The following AFF1 variants were observed in gnomAD, a reference collection of about 807,000 sequenced individuals.
AFF1 encodes the protein AF4/FMR2 family member 1.
A neutral mutation model predicts 121.7 loss-of-function variants in AFF1; 48 were observed. The observed-to-expected ratio is 0.39, with a 90% confidence interval of 0.31 to 0.50. The LOEUF is 0.50. AFF1 is among the 20% of genes least tolerant of loss of function. AFF1 has a pLI of 0.76. For synonymous variants in AFF1, 613 were observed against 563.0 expected, an observed-to-expected ratio of 1.09 and a Z score of -1.26; for missense variants, 1,523 against 1,511.7, an observed-to-expected ratio of 1.01 and a Z score of -0.12.
chr4:87,063,993 T>G (rs1721076901), intron 4 of AFF1, among the ~76,000 whole-genome samples: 1 of 152,236 alleles, frequency 6.6e-6, no homozygotes, highest in Admixed American at 6.5e-5. Flanking sequence ...GATTTAATTT[T>G]AGTCAAGTTT....
intron 4 of AFF1, among the ~76,000 whole-genome samples, chr4:87,068,266 C>CT (rs1403466647): frequency 3.4e-5 from 5 of 147,540 alleles, no homozygotes; most frequent in Admixed American, 2.0e-4. Context: ...TGCCCCCCCC[C>CT]CACTCCATGA....
chr4:86,949,687 G>C, intron 2 of AFF1: 1 of 1,570,374 alleles, frequency 6.4e-7, no homozygotes, highest in Non-Finnish European at 8.6e-7. Flanking sequence ...AGGGGATGAT[G>C]GGCATGCGCA....
chr4:87,112,648 T>C (rs562698035), intron 11 of AFF1, among the ~76,000 whole-genome samples: 31 of 152,364 alleles, frequency 2.0e-4, no homozygotes, highest in African/African-American at 7.2e-4. Flanking sequence ...AGTTGAATTA[T>C]TTGGGATGTT....
intron 2 of AFF1, among the ~76,000 whole-genome samples, chr4:87,028,032 G>C (rs115887961): frequency 6.6e-6 from 1 of 151,296 alleles, no homozygotes; most frequent in Non-Finnish European, 1.5e-5. Flanking sequence ...TTATTTTTCA[G>C]ATTTTAAGAT....
At chr4:87,003,323 G>T (rs1725864356) in intron 2 of AFF1, among the ~76,000 whole-genome samples, 2 of 152,088 alleles carry the variant, frequency 1.3e-5, no homozygotes, top group Non-Finnish European at 2.9e-5. Flanking sequence ...GAGTTCAGTG[G>T]TGTTCTCATA....
intron 1 of AFF1, among the ~76,000 whole-genome samples, chr4:86,938,449 C>CAAA (rs35867614): frequency 4.7e-4 from 47 of 100,008 alleles, no homozygotes; most frequent in Non-Finnish European, 7.4e-4. Context: ...GACTCCGTCT[C>CAAA]AAAAAAAAAA....
intron 1 of AFF1, among the ~76,000 whole-genome samples, chr4:86,941,616 C>T (rs1036580473): frequency 2.0e-5 from 3 of 152,052 alleles, no homozygotes; most frequent in Non-Finnish European, 4.4e-5. Flanking sequence ...TGTGCCATTG[C>T]ACTCCAGCGT....
chr4:86,988,636 A>G (rs180765715), intron 2 of AFF1, among the ~76,000 whole-genome samples: 1 of 152,324 alleles, frequency 6.6e-6, no homozygotes, highest in African/African-American at 2.4e-5. Context: ...TTATAGATTC[A>G]ATGCTGTCCC....
chr4:86,969,378 C>T (rs1722760749), intron 2 of AFF1, among the ~76,000 whole-genome samples: 2 of 151,930 alleles, frequency 1.3e-5, no homozygotes, highest in Admixed American at 1.3e-4. Context: ...ACTCAGGAGG[C>T]TGAGGCAGGA....
intron 4 of AFF1, among the ~76,000 whole-genome samples, chr4:87,075,731 A>G (rs1722597396): frequency 6.6e-6 from 1 of 152,222 alleles, no homozygotes; most frequent in African/African-American, 2.4e-5. Context: ...ACAAGATAAT[A>G]CTTCTTTAAA....
rs199827476 is a variant in AFF1, at chr4:87,108,225, C to T, written c.1443C>T (p.Thr481=). ...AHSSSAESES[T]SDSDSSSDSE... ...CCAGCAGTGCAGAGTCAGAAAGCACCAGTGACTCAGACAGTTCCTCAGACT... is the reference window on the plus strand; with the variant it reads ...CCAGCAGTGCAGAGTCAGAAAGCACTAGTGACTCAGACAGTTCCTCAGACT... The change falls in exon 11 of 21, where the codon ACC becomes ACT. Residue 481 remains threonine, a synonymous_variant. Transcript: ENST00000395146. 4 of 1,614,112 alleles carry T rather than the reference C, an allele frequency of 2.5e-6. No individual in the cohort carries two copies. Among genetic ancestry groups the T allele is most frequent in the African/African-American group, 1.3e-5 (1 of 75,042 alleles).
chr4:87,091,759 T>G, intron 6 of AFF1, 34 bp from the exon 7 acceptor site: 2 of 1,393,868 alleles, frequency 1.4e-6, no homozygotes, highest in South Asian at 1.3e-5. Context: ...AGCCTTAATC[T>G]TTTAATAATT....
intron 10 of AFF1, 117 bp downstream of exon 10, chr4:87,105,962 T>A: frequency 7.6e-7 from 1 of 1,310,146 alleles, no homozygotes. Context: ...AGCTGAAGGA[T>A]CACAGTAAAA....
At chr4:86,982,864 AAAAAAAAAAAAG>A (rs1355707025) in intron 2 of AFF1, among the ~76,000 whole-genome samples, 1 of 138,724 alleles carries the variant, frequency 7.2e-6, no homozygotes, top group African/African-American at 3.0e-5. Flanking sequence ...AAAAAAAAAA[AAAAAAAAAAAAG>A]GAAGCTTGTT....
intron 7 of AFF1, among the ~76,000 whole-genome samples, chr4:87,092,043 G>A (rs1374312253): frequency 6.6e-6 from 1 of 152,180 alleles, no homozygotes; most frequent in Non-Finnish European, 1.5e-5. Flanking sequence ...CAGCACTTTG[G>A]GAGTCCAAGG....
At chr4:87,072,651 G>A (rs933975886) in intron 4 of AFF1, among the ~76,000 whole-genome samples, 12 of 152,014 alleles carry the variant, frequency 7.9e-5, no homozygotes, top group Non-Finnish European at 1.6e-4. Flanking sequence ...CTCCCCAGTA[G>A]CTGGGATTAC....
Position 87,062,275 on chromosome 4 carries a change from T to C in AFF1, c.1059+14681T>C, listed in dbSNP as rs147961089. On this transcript the variant is annotated intron_variant, in intron 4 of 20. Coordinates refer to ENST00000395146, the MANE Select transcript of AFF1 (RefSeq NM_001166693.3). Reference sequence around the variant, plus strand: ...GATTGAGTGTCTGATAAGGACTTGCTTTCTGCCTCCAAGATGGTGTATCTT... The same window carrying C: ...GATTGAGTGTCTGATAAGGACTTGCCTTCTGCCTCCAAGATGGTGTATCTT... Among the ~76,000 whole-genome samples the C allele has an allele frequency of 9.0e-3, 1,378 of 152,346 alleles. 13 individuals are homozygous for C. The highest frequency in any genetic ancestry group is 0.013 in the Admixed American group (201 of 15,304).
intron 2 of AFF1, among the ~76,000 whole-genome samples, chr4:87,036,510 G>A (rs1250399663): frequency 1.3e-5 from 2 of 152,044 alleles, no homozygotes; most frequent in Admixed American, 6.6e-5. Flanking sequence ...GAGAGGCTTG[G>A]TGTGCTGCAC....
chr4:87,054,739 C>T (rs1182330521), intron 4 of AFF1, among the ~76,000 whole-genome samples: 1 of 152,056 alleles, frequency 6.6e-6, no homozygotes, highest in Non-Finnish European at 1.5e-5. Flanking sequence ...CTTCAGAGGC[C>T]AAATTTTAAA....
Sources: gnomAD v4.1 joint callset for allele counts (sites outside exome capture counted in the v4.1 genomes callset) on GRCh38, gnomAD v4.1.1 for gene constraint, MANE v1.5 for transcripts, NCBI Gene and HGNC (gene_info 2026-07-23, HGNC 2026-07-21) for gene names.